Variants in DPP10 observed in about 807,000 individuals in gnomAD.
DPP10 encodes the protein inactive dipeptidyl peptidase 10.
Under a neutral mutation model 120.9 loss-of-function variants are expected in DPP10, and 33 were observed. That is an observed-to-expected ratio of 0.27 (90% CI 0.21 to 0.37). The LOEUF is 0.37. DPP10 is among the 10% of genes least tolerant of loss of function. The pLI is 1.00. For missense variants in DPP10, 816 were observed against 942.8 expected (o/e 0.87, Z 1.76); for synonymous variants, 337 against 326.1 (o/e 1.03, Z -0.36).
At chr2:115,311,393 C>A (rs1326327239) in intron 2 of DPP10, among the ~76,000 whole-genome samples, 2 of 152,098 alleles carry the variant, frequency 1.3e-5, no homozygotes, top group African/African-American at 4.8e-5. Flanking sequence ...CACCAGAAAC[C>A]ATGACAAGCA....
chr2:115,660,703 C>A (rs2088882022), intron 5 of DPP10, among the ~76,000 whole-genome samples: 1 of 32,886 alleles, frequency 3.0e-5, no homozygotes, highest in Admixed American at 4.7e-4. Flanking sequence ...TTCTTAATTG[C>A]ATTGCATGGA....
intron 1 of DPP10, among the ~76,000 whole-genome samples, chr2:114,464,441 AT>A (rs1185178851): frequency 6.6e-6 from 1 of 151,950 alleles, no homozygotes; most frequent in Non-Finnish European, 1.5e-5. Context: ...TAACTGGGTT[AT>A]TTATTTTCTT....
intron 5 of DPP10, among the ~76,000 whole-genome samples, chr2:115,594,270 A>T (rs1430611244): frequency 6.6e-6 from 1 of 152,218 alleles, no homozygotes; most frequent in African/African-American, 2.4e-5. Flanking sequence ...TTACACAAAT[A>T]ACTATATTGC....
chr2:115,077,228 G>C (rs1321892072), intron 1 of DPP10, among the ~76,000 whole-genome samples: 4 of 152,092 alleles, frequency 2.6e-5, no homozygotes, highest in African/African-American at 9.7e-5. Context: ...AAAATAACAT[G>C]AGTAAAATCT....
At chr2:115,166,343 A>G (rs1299578092) in intron 1 of DPP10, among the ~76,000 whole-genome samples, 1 of 151,352 alleles carries the variant, frequency 6.6e-6, no homozygotes, top group East Asian at 1.9e-4. Flanking sequence ...TATTCAACAT[A>G]TAAAATGTCA....
chr2:115,425,096 G>T (rs1385977895), intron 3 of DPP10, among the ~76,000 whole-genome samples: 3 of 152,150 alleles, frequency 2.0e-5, no homozygotes, highest in Non-Finnish European at 4.4e-5. Context: ...AAGGAAAAAG[G>T]CAGAGATGAA....
chr2:115,043,188 T>C (rs1013126817), intron 1 of DPP10, among the ~76,000 whole-genome samples: 1 of 152,186 alleles, frequency 6.6e-6, no homozygotes, highest in Admixed American at 6.5e-5. Context: ...TAGAGAAAAA[T>C]ATTATGATGT....
chr2:115,565,588 T>G (rs2080951350), intron 5 of DPP10, among the ~76,000 whole-genome samples: 1 of 152,164 alleles, frequency 6.6e-6, no homozygotes, highest in South Asian at 2.1e-4. Flanking sequence ...CACACAGTAC[T>G]TTTATATGGC....
intron 3 of DPP10, among the ~76,000 whole-genome samples, chr2:115,391,820 A>G (rs899245721): frequency 6.6e-6 from 1 of 152,132 alleles, no homozygotes; most frequent in Non-Finnish European, 1.5e-5. Flanking sequence ...GGGTGGATAG[A>G]TGAGGAAAAG....
At chr2:115,511,351 T>C (rs1276204274) in intron 4 of DPP10, among the ~76,000 whole-genome samples, 1 of 152,114 alleles carries the variant, frequency 6.6e-6, no homozygotes, top group Non-Finnish European at 1.5e-5. Flanking sequence ...TAACTGAATT[T>C]GTTGATAAGC....
intron 1 of DPP10, among the ~76,000 whole-genome samples, chr2:114,602,751 TAA>T (rs887965058): frequency 1.2e-4 from 18 of 152,060 alleles, no homozygotes; most frequent in African/African-American, 4.3e-4. Context: ...GAATAATTTA[TAA>T]AGTGATGTCA....
chr2:114,752,261 A>G (rs1679303328), intron 1 of DPP10, among the ~76,000 whole-genome samples: 1 of 152,130 alleles, frequency 6.6e-6, no homozygotes, highest in Admixed American at 6.5e-5. Flanking sequence ...CAGTTTTTTC[A>G]GGGATGGGAG....
At chr2:114,633,207 G>A (rs1488658216) in intron 1 of DPP10, among the ~76,000 whole-genome samples, 2 of 111,914 alleles carry the variant, frequency 1.8e-5, no homozygotes, top group South Asian at 5.5e-4. Flanking sequence ...TTATAGATTT[G>A]TTTTCTCCTA....
chr2:115,521,008 T>A (rs1455164016), intron 4 of DPP10, among the ~76,000 whole-genome samples: 2 of 152,120 alleles, frequency 1.3e-5, no homozygotes, highest in African/African-American at 4.8e-5. Context: ...TGTAATTAAA[T>A]ACATGTGAGG....
intron 19 of DPP10, among the ~76,000 whole-genome samples, chr2:115,804,101 C>T (rs915060542): frequency 6.6e-6 from 1 of 152,130 alleles, no homozygotes; most frequent in African/African-American, 2.4e-5. Context: ...TTCACATAGT[C>T]CCATATTTCT....
chr2:115,139,724 T>TAAAAAAAAAAA (rs55826687), intron 1 of DPP10, among the ~76,000 whole-genome samples: 47 of 56,634 alleles, frequency 8.3e-4, no homozygotes, highest in East Asian at 2.8e-3. Flanking sequence ...GTAAAAATAC[T>TAAAAAAAAAAA]AAAAAAAAAA....
At chr2:114,851,671 A>G (rs1216543940) in intron 1 of DPP10, among the ~76,000 whole-genome samples, 1 of 152,202 alleles carries the variant, frequency 6.6e-6, no homozygotes, top group Non-Finnish European at 1.5e-5. Flanking sequence ...TAACACAGCA[A>G]TTTATACCAT....
intron 5 of DPP10, among the ~76,000 whole-genome samples, chr2:115,562,021 T>C (rs1008105130): frequency 2.0e-5 from 3 of 152,226 alleles, no homozygotes; most frequent in East Asian, 1.9e-4. Context: ...TAGCCTTTTA[T>C]AGGTGATGAC....
chr2:114,738,273 G>A (rs1677661797), intron 1 of DPP10, among the ~76,000 whole-genome samples: 1 of 152,132 alleles, frequency 6.6e-6, no homozygotes, highest in African/African-American at 2.4e-5. Context: ...ACTCAACTCA[G>A]TGCTTGGCAT....
Sources: gnomAD v4.1 joint callset for allele counts (sites outside exome capture counted in the v4.1 genomes callset) on GRCh38, gnomAD v4.1.1 for gene constraint, MANE v1.5 for transcripts, NCBI Gene and HGNC (gene_info 2026-07-23, HGNC 2026-07-21) for gene names.